The following LRRIQ3 variants were observed in gnomAD, a reference collection of about 807,000 sequenced individuals.
LRRIQ3 encodes the protein leucine rich repeats and IQ motif containing 3, also known as leucine-rich repeat and IQ domain-containing protein 3.
In LRRIQ3, 75 loss-of-function variants were observed where a neutral mutation model predicts 59.3. That is an observed-to-expected ratio of 1.26 (90% CI 1.05 to 1.53). The LOEUF (loss-of-function observed/expected upper bound fraction) is 1.53, where lower values mean the gene tolerates loss of function less well. Ranked by LOEUF, LRRIQ3 falls within the 40% of genes most tolerant of loss-of-function variation. LRRIQ3 has a pLI of 0.00. For synonymous variants in LRRIQ3, 250 were observed against 231.3 expected (o/e 1.08, Z -0.73); for missense variants, 831 against 710.0 (o/e 1.17, Z -1.94).
intron 7 of LRRIQ3, among the ~76,000 whole-genome samples, chr1:74,037,923 A>G (rs979084193): frequency 6.6e-6 from 1 of 152,162 alleles, no homozygotes; most frequent in Admixed American, 6.5e-5. Context: ...ACAGCCACTC[A>G]ACTAGAATCT....
chr1:74,084,200 C>A (rs1471923594), intron 5 of LRRIQ3: 1 of 1,546,858 alleles, frequency 6.5e-7, no homozygotes, highest in Non-Finnish European at 8.7e-7. Context: ...AAAATTGACC[C>A]ATAATTTTTT....
intron 5 of LRRIQ3, among the ~76,000 whole-genome samples, chr1:74,107,204 C>T (rs543304083): frequency 6.6e-6 from 1 of 151,950 alleles, no homozygotes; most frequent in South Asian, 2.1e-4. Flanking sequence ...ACGTTTTATT[C>T]CCAAACAGGA....
intron 6 of LRRIQ3, among the ~76,000 whole-genome samples, chr1:74,063,713 T>TTC (rs1212743929): frequency 1.3e-5 from 2 of 152,062 alleles, no homozygotes; most frequent in Admixed American, 6.6e-5. Flanking sequence ...GTCCCTCCAG[T>TTC]TCTCTGATGA....
intron 4 of LRRIQ3, among the ~76,000 whole-genome samples, chr1:74,115,574 G>A (rs1408868465): frequency 6.6e-6 from 1 of 152,042 alleles, no homozygotes; most frequent in African/African-American, 2.4e-5. Flanking sequence ...CCTTCAATAA[G>A]TAAGTGGCTT....
chr1:74,169,700 C>A (rs115053636), intron 3 of LRRIQ3, among the ~76,000 whole-genome samples: 1 of 151,954 alleles, frequency 6.6e-6, no homozygotes, highest in Non-Finnish European at 1.5e-5. Context: ...TACAAGTGCA[C>A]GCCACACCTG....
At position 74,041,657 on chromosome 1, in the gene LRRIQ3, T is replaced by C. The variant is rs751970059; in HGVS notation, c.1274A>G (p.Lys425Arg). The C allele has an allele frequency of 5.0e-6, 8 of 1,613,684 alleles. No homozygotes were observed. Among genetic ancestry groups the C allele is most frequent in the Non-Finnish European group, 6.8e-6 (8 of 1,179,862 alleles). The stretch of plus-strand genomic sequence containing the variant: ...CTGCTTCTTTTGTTCTGTGTAATAT[T>C]TGTCAATATCACTAAATGTTCGGAG... Reference protein sequence around the residue: ...MKLRTFSDIDKYYTEQKKQEY... With the variant: ...MKLRTFSDIDRYYTEQKKQEY... The change falls in exon 7 of 8, where the codon AAA becomes AGA. Residue 425 changes from lysine (K) to arginine (R), a missense_variant. Physicochemically the swap from Lys to Arg is conservative, Grantham distance 26 (BLOSUM62 2). Coordinates refer to ENST00000354431, the MANE Select transcript of LRRIQ3 (RefSeq NM_001105659.2).
At chr1:74,062,417 AG>A (rs1306562472) in intron 6 of LRRIQ3, among the ~76,000 whole-genome samples, 1 of 152,174 alleles carries the variant, frequency 6.6e-6, no homozygotes, top group African/African-American at 2.4e-5. Flanking sequence ...GATGCTGCCA[AG>A]GTTGTGGAGG....
At chr1:74,177,560 C>T (rs527731712) in intron 3 of LRRIQ3, among the ~76,000 whole-genome samples, 47 of 152,044 alleles carry the variant, frequency 3.1e-4, no homozygotes, top group Non-Finnish European at 6.6e-4. Context: ...ACTGTTCTAT[C>T]GAGTCTGCCT....
chr1:74,184,787 C>A (rs1469600266), intron 1 of LRRIQ3, among the ~76,000 whole-genome samples: 1 of 151,976 alleles, frequency 6.6e-6, no homozygotes, highest in Non-Finnish European at 1.5e-5. Flanking sequence ...GTAAACCAGT[C>A]TTAAAAATAT....
chr1:74,041,575 T>G lies in LRRIQ3; in HGVS notation c.1356A>C (p.Arg452Ser), dbSNP rs564642226. Residue 452 changes from arginine (R) to serine (S), a missense_variant, in exon 7 of 8, where the codon AGA (arginine) becomes AGC (serine). Arg to Ser is a moderately radical substitution (Grantham distance 110). Transcript: ENST00000354431. ...VVAMAQVARE[R>S]VRVAVNEHLN... ...AATGTTCATTAACAGCTACTCTAAC[T>G]CTTTCTCGAGCAACTTGTGCCATGG... 4.3e-6 allele frequency: 7 copies of G among 1,613,618 alleles called. No individual in the cohort carries two copies. Among genetic ancestry groups the G allele is most frequent in the African/African-American group, 1.3e-5 (1 of 74,896 alleles).
intron 5 of LRRIQ3, among the ~76,000 whole-genome samples, chr1:74,100,292 G>C (rs1646511274): frequency 6.6e-6 from 1 of 152,086 alleles, no homozygotes; most frequent in Admixed American, 6.5e-5. Context: ...AATCATGAGT[G>C]AACTCCCATT....
rs185484052 is a variant in LRRIQ3 at position 74,177,521 on chromosome 1, T to C, written c.573+5017A>G. ...AAAAACAAACCAGGAAAATGAAGAATTTACCACTGTGTCATTCCTTGCGTT... is the reference window on the plus strand; with the variant it reads ...AAAAACAAACCAGGAAAATGAAGAACTTACCACTGTGTCATTCCTTGCGTT... On this transcript the variant is annotated intron_variant, in intron 3 of 7. Transcript: ENST00000354431. Among the ~76,000 whole-genome samples, 308 of 152,264 alleles carry C rather than the reference T, an allele frequency of 2.0e-3. 1 individual carries two copies. Among genetic ancestry groups the C allele is most frequent in the African/African-American group, 6.9e-3 (286 of 41,570 alleles).
chr1:74,115,116 G>A (rs894591884), intron 4 of LRRIQ3, among the ~76,000 whole-genome samples: 10 of 151,870 alleles, frequency 6.6e-5, no homozygotes, highest in African/African-American at 2.4e-4. Flanking sequence ...ACAACCTACA[G>A]ATATTAAAAC....
At chr1:74,167,445 C>T (rs989198227) in intron 3 of LRRIQ3, among the ~76,000 whole-genome samples, 1 of 151,578 alleles carries the variant, frequency 6.6e-6, no homozygotes, top group African/African-American at 2.4e-5. Context: ...TTCATAGGTG[C>T]AGCAAACCAC....
chr1:74,103,174 T>G (rs924475329), intron 5 of LRRIQ3, among the ~76,000 whole-genome samples: 4 of 151,902 alleles, frequency 2.6e-5, no homozygotes, highest in Admixed American at 6.6e-5. Context: ...CTGACTAAAT[T>G]GTACTTCATT....
chr1:74,034,732 G>A (rs757367414), intron 7 of LRRIQ3, among the ~76,000 whole-genome samples: 24 of 151,522 alleles, frequency 1.6e-4, no homozygotes, highest in Non-Finnish European at 2.4e-4. Context: ...TTTTTCATAC[G>A]TAATAAAGTA....
At chr1:74,155,948 G>C in intron 3 of LRRIQ3, 82 bp from the exon 4 acceptor site, 1 of 810,236 alleles carries the variant, frequency 1.2e-6, no homozygotes, top group Non-Finnish European at 1.7e-6. Context: ...GTAATCTATT[G>C]GTTTAAATAA....
chr1:74,173,294 CA>C (rs71078187), intron 3 of LRRIQ3, among the ~76,000 whole-genome samples: 36,031 of 117,212 alleles, frequency 0.31, 5,547 homozygotes, highest in Middle Eastern at 0.4. Flanking sequence ...GAGTCCATCT[CA>C]AAAAAAAAAA....
At chr1:74,041,085 T>C in intron 7 of LRRIQ3, 128 bp downstream of exon 7, 3 of 755,882 alleles carry the variant, frequency 4.0e-6, no homozygotes, top group Non-Finnish European at 2.0e-6. Flanking sequence ...TTGTTCTTTG[T>C]TTTAATTTTT....
Sources: allele counts gnomAD v4.1 joint callset (sites outside exome capture counted in the v4.1 genomes callset), GRCh38; gene constraint gnomAD v4.1.1; transcripts MANE v1.5; gene names NCBI Gene and HGNC (gene_info 2026-07-23, HGNC 2026-07-21).